The following SGCD variants were observed in gnomAD, a reference collection of about 807,000 sequenced individuals.
The protein encoded by SGCD is delta-sarcoglycan.
Under a neutral mutation model 36.6 loss-of-function variants are expected in SGCD, and 18 were observed. The ratio of observed to expected loss-of-function variants is 0.49; its 90% CI spans 0.34 to 0.73. The LOEUF is 0.73. Among genes scored for constraint, SGCD ranks in the 30% least tolerant of loss-of-function variants. SGCD has a pLI of 0.01. For missense variants in SGCD, 387 were observed against 346.7 expected, an observed-to-expected ratio of 1.12 and a Z score of -0.92; for synonymous variants, 133 against 130.6, an observed-to-expected ratio of 1.02 and a Z score of -0.12.
chr5:156,005,147 C>A (rs1390721598), intron 1 of SGCD, among the ~76,000 whole-genome samples: 1 of 152,124 alleles, frequency 6.6e-6, no homozygotes, highest in East Asian at 1.9e-4. Flanking sequence ...AGGAAATTAA[C>A]TCTAGAGTTA....
chr5:156,581,891 G>T (rs112340137), intron 4 of SGCD, among the ~76,000 whole-genome samples: 68 of 152,260 alleles, frequency 4.5e-4, no homozygotes, highest in African/African-American at 1.5e-3. Flanking sequence ...GTGAGGCGAT[G>T]CCCTGCCCTG....
intron 1 of SGCD, among the ~76,000 whole-genome samples, chr5:156,042,520 G>A (rs977475966): frequency 1.3e-5 from 2 of 152,192 alleles, no homozygotes; most frequent in Non-Finnish European, 1.5e-5. Context: ...GGCTGAATGA[G>A]AGACTGGAGT....
At chr5:156,191,476 T>C (rs1763893044) in intron 3 of SGCD, among the ~76,000 whole-genome samples, 1 of 152,154 alleles carries the variant, frequency 6.6e-6, no homozygotes, top group Non-Finnish European at 1.5e-5. Flanking sequence ...ATGTTAGGTA[T>C]GTTGTTGGAT....
At chr5:156,356,282 G>T (rs1363107272) in intron 3 of SGCD, among the ~76,000 whole-genome samples, 1 of 152,058 alleles carries the variant, frequency 6.6e-6, no homozygotes, top group South Asian at 2.1e-4. Context: ...AGACTCAAAG[G>T]CCTGGGGTAT....
chr5:156,630,047 G>C (rs1762576146), intron 6 of SGCD, among the ~76,000 whole-genome samples: 1 of 151,830 alleles, frequency 6.6e-6, no homozygotes, highest in Admixed American at 6.6e-5. Flanking sequence ...ATTTTTAGTA[G>C]AGATGGGGTT....
chr5:156,733,069 G>A (rs1293553192), intron 7 of SGCD, among the ~76,000 whole-genome samples: 4 of 151,708 alleles, frequency 2.6e-5, no homozygotes, highest in African/African-American at 4.8e-5. Flanking sequence ...CTCTCTTTCA[G>A]TTCAGCTCTG....
intron 1 of SGCD, among the ~76,000 whole-genome samples, chr5:155,934,094 G>T (rs1041682957): frequency 6.6e-6 from 1 of 152,166 alleles, no homozygotes. Flanking sequence ...TCAAGCTTTG[G>T]CAGAATTGGA....
chr5:156,051,272 C>A lies in SGCD; in HGVS notation c.-281-66606C>A, dbSNP rs1759909181. Among the ~76,000 whole-genome samples the A allele has an allele frequency of 2.1e-5, 3 of 146,262 alleles. 1 individual carries two copies. Among genetic ancestry groups the A allele is most frequent in the African/African-American group, 7.4e-5 (3 of 40,662 alleles). ...GAGTTTATCACTCTAGAAAATTTCA[C>A]TTTCCTCTCAAATTTAGCTTACTAA... On this transcript the variant is annotated intron_variant, in intron 1 of 9. Coordinates refer to the SGCD transcript ENST00000517913.
chr5:156,059,820 G>C lies in SGCD; in HGVS notation c.-281-58058G>C, dbSNP rs1760157421. Among the ~76,000 whole-genome samples, 5 of 146,798 alleles carry C rather than the reference G, an allele frequency of 3.4e-5. 1 individual carries two copies. The South Asian group carries it at 1.1e-3, about 31-fold the overall frequency. ...TTGCTGGTAAGAAATAGAATATCCA[G>C]ATTTGCCATTTAAACCAATCTGTGA... On this transcript the variant is annotated intron_variant, in intron 1 of 9. Transcript: ENST00000517913.
chr5:156,172,935 A>C (rs1369036735), intron 3 of SGCD, among the ~76,000 whole-genome samples: 1 of 152,160 alleles, frequency 6.6e-6, no homozygotes, highest in Non-Finnish European at 1.5e-5. Context: ...AAGTATTTAC[A>C]CATCAGAGTT....
chr5:156,011,731 C>G (rs1758865376), intron 1 of SGCD, among the ~76,000 whole-genome samples: 1 of 152,150 alleles, frequency 6.6e-6, no homozygotes, highest in Admixed American at 6.5e-5. Flanking sequence ...CGCCTCGGTG[C>G]CTGGCCCAGA....
intron 3 of SGCD, among the ~76,000 whole-genome samples, chr5:156,471,264 G>A (rs1480887431): frequency 6.6e-6 from 1 of 152,148 alleles, no homozygotes; most frequent in Non-Finnish European, 1.5e-5. Flanking sequence ...ATGCCGTCAT[G>A]ATCAGTGCCA....
At chr5:156,385,667 AAAG>A (rs1181123009) in intron 3 of SGCD, among the ~76,000 whole-genome samples, 1 of 152,208 alleles carries the variant, frequency 6.6e-6, no homozygotes, top group Non-Finnish European at 1.5e-5. Context: ...CTGGGCCTGC[AAAG>A]AAGAAAAGGA....
chr5:156,170,731 T>C (rs1763323680), intron 3 of SGCD, among the ~76,000 whole-genome samples: 1 of 152,140 alleles, frequency 6.6e-6, no homozygotes, highest in African/African-American at 2.4e-5. Context: ...ATTAGGAAAG[T>C]CATTTGTTAC....
At chr5:156,532,663 A>C (rs560625785) in intron 4 of SGCD, among the ~76,000 whole-genome samples, 4 of 152,060 alleles carry the variant, frequency 2.6e-5, no homozygotes, top group African/African-American at 9.6e-5. Flanking sequence ...GGGTTTTACC[A>C]CGTTAGCCAG....
At chr5:155,907,385 T>C (rs1444066163) in intron 1 of SGCD, among the ~76,000 whole-genome samples, 1 of 152,146 alleles carries the variant, frequency 6.6e-6, no homozygotes, top group African/African-American at 2.4e-5. Flanking sequence ...CATGTCTTAT[T>C]ATTTAGGAAA....
intron 6 of SGCD, among the ~76,000 whole-genome samples, chr5:156,645,625 A>G (rs529408548): frequency 1.3e-5 from 2 of 152,154 alleles, no homozygotes; most frequent in Non-Finnish European, 2.9e-5. Flanking sequence ...CATCAGTTTT[A>G]GAACAGAAAG....
intron 1 of SGCD, among the ~76,000 whole-genome samples, chr5:155,954,411 A>T (rs1561661676): frequency 6.6e-6 from 1 of 152,160 alleles, no homozygotes; most frequent in Non-Finnish European, 1.5e-5. Flanking sequence ...AACTGATGAG[A>T]CATGAATCAA....
chr5:156,187,468 G>A (rs530758177), intron 3 of SGCD, among the ~76,000 whole-genome samples: 1 of 141,872 alleles, frequency 7.0e-6, no homozygotes, highest in African/African-American at 2.6e-5. Flanking sequence ...TAGACATATA[G>A]TCTCTAGCCC....
Sources: gnomAD v4.1 joint callset for allele counts (sites outside exome capture counted in the v4.1 genomes callset) on GRCh38, gnomAD v4.1.1 for gene constraint, MANE v1.5 for transcripts, NCBI Gene and HGNC (gene_info 2026-07-23, HGNC 2026-07-21) for gene names.